CAMTA1: variants seen among roughly 807,000 people sequenced by gnomAD.
CAMTA1 encodes the protein calmodulin-binding transcription activator 1.
Under a neutral mutation model 170.9 loss-of-function variants are expected in CAMTA1, and 27 were observed. The observed-to-expected ratio is 0.16, with a 90% confidence interval of 0.12 to 0.22. The LOEUF is 0.22. Among genes scored for constraint, CAMTA1 ranks in the 10% least tolerant of loss-of-function variants. The pLI is 1.00. For missense variants in CAMTA1, 1,619 were observed against 2,217.2 expected (o/e 0.73, Z 5.42); for synonymous variants, 833 against 891.5 (o/e 0.93, Z 1.17).
chr1:7,468,922 G>T (rs903179719), intron 6 of CAMTA1, among the ~76,000 whole-genome samples: 5 of 152,196 alleles, frequency 3.3e-5, no homozygotes, highest in Admixed American at 6.5e-5. Flanking sequence ...GCCACGGAGT[G>T]CAGAGAGGCT....
chr1:7,314,070 TC>T (rs1051034955), intron 5 of CAMTA1, among the ~76,000 whole-genome samples: 1 of 152,136 alleles, frequency 6.6e-6, no homozygotes, highest in Non-Finnish European at 1.5e-5. Flanking sequence ...AGAAAGTTCA[TC>T]CCCCGGGAGG....
chr1:6,931,384 C>T (rs1031271527), intron 3 of CAMTA1, among the ~76,000 whole-genome samples: 87 of 152,292 alleles, frequency 5.7e-4, no homozygotes, highest in Non-Finnish European at 6.3e-4. Flanking sequence ...CTCATTCCAT[C>T]CTGGCGTGTG....
intron 6 of CAMTA1, among the ~76,000 whole-genome samples, chr1:7,525,068 C>T (rs2094414888): frequency 6.6e-6 from 1 of 152,194 alleles, no homozygotes; most frequent in Non-Finnish European, 1.5e-5. Context: ...CAAACTCCAC[C>T]CGCCCCCGCG....
rs2095763518 is a variant in CAMTA1 at position 7,641,845 on chromosome 1, C to T, written c.664+1292C>T. ...AGCTCAGACCACACCCAGTGGCAACCTTCTTAACTGCAGCCCTGACCACAT... is the reference window on the plus strand; with the variant it reads ...AGCTCAGACCACACCCAGTGGCAACTTTCTTAACTGCAGCCCTGACCACAT... On this transcript the variant is annotated intron_variant, in intron 7 of 22. Coordinates refer to ENST00000303635, the MANE Select transcript of CAMTA1 (RefSeq NM_015215.4). The surrounding 1 kb of genome is among the most constrained non-coding windows in gnomAD (Gnocchi z 4.5). 6.6e-6 allele frequency among the ~76,000 whole-genome samples: 1 copy of T among 152,262 alleles called. No homozygotes were observed. The highest frequency in any genetic ancestry group is 1.9e-4 in the East Asian group (1 of 5,178).
At chr1:7,755,173 A>G (rs1003196722) in intron 21 of CAMTA1, among the ~76,000 whole-genome samples, 5 of 151,910 alleles carry the variant, frequency 3.3e-5, no homozygotes, top group African/African-American at 1.2e-4. Flanking sequence ...TAAAGATACA[A>G]AAAATTAGCT....
chr1:7,581,381 TAGCA>T (rs778515423), intron 6 of CAMTA1, among the ~76,000 whole-genome samples: 2 of 152,240 alleles, frequency 1.3e-5, no homozygotes, highest in Non-Finnish European at 2.9e-5. Context: ...GTTTTGCAAC[TAGCA>T]CTAGCGGCTT....
chr1:7,110,247 C>T (rs966603574), intron 4 of CAMTA1, among the ~76,000 whole-genome samples: 4 of 152,054 alleles, frequency 2.6e-5, no homozygotes, highest in African/African-American at 4.8e-5. Context: ...CCCTTTATCC[C>T]AACCCATTAG....
chr1:7,737,486 A>T lies in CAMTA1; in HGVS notation c.3574A>T (p.Ser1192Cys), dbSNP rs770308845. 1 of 1,614,192 alleles carries T rather than the reference A, an allele frequency of 6.2e-7. No homozygotes were observed. Among genetic ancestry groups the T allele is most frequent in the South Asian group, 1.1e-5 (1 of 91,086 alleles). Reference sequence around the variant, plus strand: ...TGCAAGCGAAGAGCCCAGCACAGAGAGCTGGATGGCCCAGTGGCACAGCGA... The same window carrying T: ...TGCAAGCGAAGAGCCCAGCACAGAGTGCTGGATGGCCCAGTGGCACAGCGA... Reference protein sequence around the residue: ...CPASEEPSTESWMAQWHSEAI... With the variant: ...CPASEEPSTECWMAQWHSEAI... The change falls in exon 15 of 23, where the codon AGC becomes TGC. Residue 1192 changes from serine to cysteine, a missense_variant. Physicochemically the swap from Ser to Cys is moderately radical, Grantham distance 112. Around this residue, in one of 8 missense-constraint regions of CAMTA1, gnomAD observed 370 missense variants for 429.4 expected, o/e 0.86. Coordinates refer to ENST00000303635, the MANE Select transcript of CAMTA1 (RefSeq NM_015215.4).
chr1:7,499,670 AGT>A (rs1491066436), intron 6 of CAMTA1, among the ~76,000 whole-genome samples: 15 of 115,712 alleles, frequency 1.3e-4, no homozygotes, highest in Admixed American at 3.6e-4. Flanking sequence ...TGTGTGCATG[AGT>A]GTGTGTGAAC....
At chr1:7,554,024 G>A (rs941710418) in intron 6 of CAMTA1, among the ~76,000 whole-genome samples, 2 of 152,198 alleles carry the variant, frequency 1.3e-5, no homozygotes, top group Non-Finnish European at 2.9e-5. Flanking sequence ...ATTCCTGGAT[G>A]TGGGCTCTGT....
chr1:7,434,391 T>G (rs1234999314), intron 5 of CAMTA1, among the ~76,000 whole-genome samples: 3 of 152,068 alleles, frequency 2.0e-5, no homozygotes, highest in Non-Finnish European at 4.4e-5. Context: ...TGTGACATAC[T>G]CCCCATAGGG....
intron 3 of CAMTA1, among the ~76,000 whole-genome samples, chr1:7,018,336 G>C (rs1700856567): frequency 6.6e-6 from 1 of 152,090 alleles, no homozygotes; most frequent in African/African-American, 2.4e-5. Flanking sequence ...AGATAGTGAG[G>C]GACACGGACC....
At chr1:6,913,699 A>T (rs1680186287) in intron 3 of CAMTA1, among the ~76,000 whole-genome samples, 1 of 151,848 alleles carries the variant, frequency 6.6e-6, no homozygotes, top group Non-Finnish European at 1.5e-5. Context: ...AGTTCCAGAG[A>T]TGGTGCTGAG....
At chr1:7,108,379 T>C (rs772540994) in intron 4 of CAMTA1, among the ~76,000 whole-genome samples, 16 of 152,162 alleles carry the variant, frequency 1.1e-4, no homozygotes, top group Non-Finnish European at 1.9e-4. Flanking sequence ...CATTGGTGTA[T>C]TCATGATGAT....
At chr1:7,481,083 C>G (rs952331710) in intron 6 of CAMTA1, among the ~76,000 whole-genome samples, 2 of 152,088 alleles carry the variant, frequency 1.3e-5, no homozygotes, top group African/African-American at 4.8e-5. Flanking sequence ...CTGAACCCAC[C>G]TCCTTCTCTC....
chr1:6,831,289 C>T (rs964033738), intron 3 of CAMTA1, among the ~76,000 whole-genome samples: 2 of 152,160 alleles, frequency 1.3e-5, no homozygotes, highest in Non-Finnish European at 2.9e-5. Context: ...ATTAAAGAAC[C>T]TACTCTTGTT....
chr1:7,309,287 A>ATTTTTTTT (rs34401498), intron 5 of CAMTA1, among the ~76,000 whole-genome samples: 1 of 70,462 alleles, frequency 1.4e-5, no homozygotes, highest in African/African-American at 5.2e-5. Flanking sequence ...CAGTTAGAAA[A>ATTTTTTTT]TTTTTTTTTT....
chr1:7,661,736 C>T lies in CAMTA1; in HGVS notation c.675C>T (p.Ile225=). ...CCTCTCTCTTCACAGTCCATGGCAT[C>T]AAGTGGACCTGCAGCAATGGGAACA... is the stretch of plus-strand genomic sequence containing the variant. ...IGQLKPMFHG[I]KWTCSNGNSS... Residue 225 remains isoleucine, a synonymous_variant, in exon 8 of 23, where the codon ATC becomes ATT. Transcript: ENST00000303635. The T allele has an allele frequency of 1.2e-6, 2 of 1,614,038 alleles. No homozygotes were observed. The highest frequency in any genetic ancestry group is 1.7e-6 in the Non-Finnish European group (2 of 1,179,988).
At chr1:7,759,462 C>T (rs1273597830) in intron 22 of CAMTA1, among the ~76,000 whole-genome samples, 1 of 152,158 alleles carries the variant, frequency 6.6e-6, no homozygotes, top group Non-Finnish European at 1.5e-5. Flanking sequence ...TATCCAGTAA[C>T]TTAAAGTGAA....
Sources: allele counts gnomAD v4.1 joint callset (sites outside exome capture counted in the v4.1 genomes callset), GRCh38; gene constraint gnomAD v4.1.1; regional missense constraint gnomAD v4.1.1; non-coding constraint Gnocchi (gnomAD v3.1); transcripts MANE v1.5; gene names NCBI Gene and HGNC (gene_info 2026-07-23, HGNC 2026-07-21).